The following C3orf20 variants were observed in gnomAD, a reference collection of about 807,000 sequenced individuals.
C3orf20 encodes family with sequence similarity 149 member C, also known as uncharacterized protein C3orf20.
C3orf20 carries 76 observed loss-of-function variants against 88.3 expected under a neutral mutation model. That is an observed-to-expected ratio of 0.86 (90% confidence interval 0.72 to 1.04). The LOEUF (loss-of-function observed/expected upper bound fraction) is 1.04. Ranked by LOEUF, C3orf20 falls within the 50% of genes least tolerant of loss-of-function variation. The pLI, the probability that C3orf20 is intolerant of heterozygous loss-of-function variation, is 0.00. For synonymous variants in C3orf20, 436 were observed against 437.4 expected (o/e 1.00, Z 0.04); for missense variants, 1,056 against 1,123.3 (o/e 0.94, Z 0.86).
intron 12 of C3orf20, among the ~76,000 whole-genome samples, chr3:14,732,653 A>G (rs1469535032): frequency 6.6e-6 from 1 of 152,220 alleles, no homozygotes; most frequent in Non-Finnish European, 1.5e-5. Flanking sequence ...TGCTACTGCC[A>G]TCTCGTGAGT....
At chr3:14,734,030 G>C (rs1428896867) in intron 12 of C3orf20, among the ~76,000 whole-genome samples, 1 of 152,164 alleles carries the variant, frequency 6.6e-6, no homozygotes, top group African/African-American at 2.4e-5. Context: ...TATTTTAAAT[G>C]ACTGTGTTGA....
Position 14,748,789 on chromosome 3 carries a change from T to C in C3orf20, c.1941-8582T>C, listed in dbSNP as rs375184190. On this transcript the variant is annotated intron_variant, in intron 12 of 16. Coordinates refer to ENST00000253697, the MANE Select transcript of C3orf20 (RefSeq NM_032137.5). ...TTCTTCCTGTTATTGAATTCTAATT[T>C]CATATCATTGTGCTTGGAGAAGAGA... 2.3e-4 allele frequency among the ~76,000 whole-genome samples: 35 copies of C among 152,348 alleles called. No homozygotes were observed. The South Asian group carries it at 2.5e-3, about 11-fold the overall frequency.
intron 1 of C3orf20, 120 bp downstream of exon 1, chr3:14,675,372 G>A (rs1441248833): frequency 1.3e-5 from 2 of 152,434 alleles, no homozygotes; most frequent in African/African-American, 4.8e-5. Flanking sequence ...TTGCCCCGGT[G>A]GGCTGTGGAC....
At chr3:14,713,209 G>A (rs935208231) in intron 7 of C3orf20, among the ~76,000 whole-genome samples, 4 of 151,906 alleles carry the variant, frequency 2.6e-5, no homozygotes, top group Non-Finnish European at 5.9e-5. Flanking sequence ...TCAAATTTGG[G>A]GAGTTTTCAG....
At chr3:14,720,922 A>T (rs1047870501) in intron 9 of C3orf20, among the ~76,000 whole-genome samples, 5 of 152,216 alleles carry the variant, frequency 3.3e-5, no homozygotes, top group Non-Finnish European at 7.3e-5. Flanking sequence ...CTGGCTTGTT[A>T]TCAGGAGGCA....
chr3:14,679,495 A>G (rs1336112945), intron 1 of C3orf20, among the ~76,000 whole-genome samples: 2 of 152,214 alleles, frequency 1.3e-5, no homozygotes, highest in East Asian at 1.9e-4. Context: ...GGGTGCCACA[A>G]TGTCATCAGG....
chr3:14,714,730 G>A (rs2033879035), intron 8 of C3orf20, among the ~76,000 whole-genome samples: 1 of 152,018 alleles, frequency 6.6e-6, no homozygotes. Context: ...CAGCCTCCTG[G>A]GTTAGCTGGG....
Position 14,703,167 on chromosome 3 carries a change from C to G in C3orf20, c.783C>G (p.Pro261=), listed in dbSNP as rs751845429. The G allele has an allele frequency of 6.2e-7, 1 of 1,614,196 alleles. No individual in the cohort carries two copies. The highest frequency in any genetic ancestry group is 1.7e-5 in the Admixed American group (1 of 60,026). Residue 261 remains proline, a synonymous_variant, in exon 6 of 17, where the codon CCC becomes CCG. Coordinates refer to ENST00000253697, the MANE Select transcript of C3orf20 (RefSeq NM_032137.5). ...CTACAGAAGATGTCAGCATGCCGCC[C>G]CTGCATCGAGGAGTGGGAACCCCTG... ...SRTTEDVSMP[P]LHRGVGTPAN...
In C3orf20 at chr3:14,738,343, T is replaced by C. The variant is rs540212677; in HGVS notation, c.1940+9655T>C. Among the ~76,000 whole-genome samples the C allele has an allele frequency of 4.0e-5, 6 of 151,374 alleles. No individual in the cohort carries two copies. The East Asian group carries it at 1.2e-3, about 30-fold the overall frequency. Reference sequence around the variant, plus strand: ...CCACCATGCCCAACTAATTTTTTTTTTTTTAGATGGAGTCTTGCTCTGTTG... The same window carrying C: ...CCACCATGCCCAACTAATTTTTTTTCTTTTAGATGGAGTCTTGCTCTGTTG... On this transcript the variant is annotated intron_variant, in intron 12 of 16. Transcript: ENST00000253697.
chr3:14,698,000 A>G (rs190481163), intron 5 of C3orf20, among the ~76,000 whole-genome samples: 1 of 152,282 alleles, frequency 6.6e-6, no homozygotes, highest in Admixed American at 6.5e-5. Context: ...GTTATTGTGA[A>G]TAGTGCTGCA....
chr3:14,756,594 T>C (rs2035379905), intron 12 of C3orf20, among the ~76,000 whole-genome samples: 1 of 148,976 alleles, frequency 6.7e-6, no homozygotes, highest in Non-Finnish European at 1.5e-5. Flanking sequence ...AAAATCTCAT[T>C]AAGAAGGTAA....
At chr3:14,686,241 T>C (rs1026770677) in intron 4 of C3orf20, among the ~76,000 whole-genome samples, 2 of 151,618 alleles carry the variant, frequency 1.3e-5, no homozygotes, top group Admixed American at 1.3e-4. Context: ...TATCCTTTGA[T>C]GAACATTTAG....
At chr3:14,702,978 G>C (rs1006062098) in intron 5 of C3orf20, 152 bp from the exon 6 acceptor site, 4 of 872,088 alleles carry the variant, frequency 4.6e-6, no homozygotes, top group African/African-American at 3.4e-5. Flanking sequence ...GGGGTTACAG[G>C]GCCCATGCAA....
At position 14,757,480 on chromosome 3, in the gene C3orf20, A is replaced by G; in HGVS notation, c.2050A>G (p.Lys684Glu). 1 of 1,613,540 alleles carries G rather than the reference A, an allele frequency of 6.2e-7. No homozygotes were observed. Among genetic ancestry groups the G allele is most frequent in the East Asian group, 2.2e-5 (1 of 44,876 alleles). ...MLKEDTRAGC[K>E]CLVKAPLVSD... is the part of the protein sequence containing the mutation. ...CAAGGAAGACACCCGTGCTGGCTGC[A>G]AGTGCCTGGTGAAGGCGCCCCTGGT... Residue 684 changes from lysine (K) to glutamate (E), a missense_variant, in exon 13 of 17, where the codon AAG becomes GAG. Physicochemically the swap from Lys to Glu is moderately conservative, Grantham distance 56. Transcript: ENST00000253697.
At chr3:14,763,028 A>T (rs1182865363) in intron 15 of C3orf20, among the ~76,000 whole-genome samples, 1 of 152,140 alleles carries the variant, frequency 6.6e-6, no homozygotes. Context: ...ACTGCCTGAG[A>T]CTTCAAGAGG....
intron 14 of C3orf20, among the ~76,000 whole-genome samples, chr3:14,760,535 A>G (rs2035526538): frequency 6.6e-6 from 1 of 150,684 alleles, no homozygotes; most frequent in South Asian, 2.1e-4. Context: ...TTAAAATACC[A>G]TGAGCATTTC....
At position 14,695,846 on chromosome 3, in the gene C3orf20, T is replaced by C. The variant is rs74419487; in HGVS notation, c.745+5730T>C. 9.4e-3 allele frequency among the ~76,000 whole-genome samples: 1,428 copies of C among 152,278 alleles called. 14 individuals are homozygous for C. Among genetic ancestry groups the C allele is most frequent in the African/African-American group, 0.032 (1,349 of 41,560 alleles). ...TTCCACTGGCATGTAACATCTTTTT[T>C]TCGTTCCTTTATTTTCAGTTTATGT... On this transcript the variant is annotated intron_variant, in intron 5 of 16. Transcript: ENST00000253697.
chr3:14,739,291 A>G (rs552298427), intron 12 of C3orf20, among the ~76,000 whole-genome samples: 6 of 152,210 alleles, frequency 3.9e-5, no homozygotes, highest in Non-Finnish European at 8.8e-5. Context: ...GCATAAAAAT[A>G]ATAATCTTGT....
chr3:14,749,467 A>G (rs2035157450), intron 12 of C3orf20, among the ~76,000 whole-genome samples: 1 of 152,212 alleles, frequency 6.6e-6, no homozygotes, highest in Non-Finnish European at 1.5e-5. Context: ...ATGCTACTGC[A>G]TGCAGCTTTA....
Sources: gnomAD v4.1 joint callset for allele counts (sites outside exome capture counted in the v4.1 genomes callset) on GRCh38, gnomAD v4.1.1 for gene constraint, MANE v1.5 for transcripts, NCBI Gene and HGNC (gene_info 2026-07-23, HGNC 2026-07-21) for gene names.